Variants in ARAP2 observed in about 807,000 individuals in gnomAD.
The protein encoded by ARAP2 is arf-GAP with Rho-GAP domain, ANK repeat and PH domain-containing protein 2.
Under a neutral mutation model 194.5 loss-of-function variants are expected in ARAP2, and 148 were observed. The ratio of observed to expected loss-of-function variants is 0.76; its 90% CI spans 0.67 to 0.87. ARAP2 has a LOEUF of 0.87. Among genes scored for constraint, ARAP2 ranks in the 40% least tolerant of loss-of-function variants. ARAP2 has a pLI of 0.00. For synonymous variants in ARAP2, 695 were observed against 683.5 expected (o/e 1.02, Z -0.26); for missense variants, 2,128 against 1,989.7 (o/e 1.07, Z -1.32).
In ARAP2 at chr4:36,067,975, G is replaced by T; in HGVS notation, c.5047C>A (p.Leu1683Ile). 6.2e-7 allele frequency: 1 copy of T among 1,614,046 alleles called. No homozygotes were observed. The highest frequency in any genetic ancestry group is 1.3e-5 in the African/African-American group (1 of 75,028). The change falls in exon 33 of 33, where the codon CTT (leucine) becomes ATT (isoleucine). Residue 1683 changes from leucine to isoleucine, a missense_variant. Transcript: ENST00000303965. ...HKLPSRVIEE[L>I]NVVLQRSRTL... ...CTTGACCGTTGTAGAACCACATTAA[G>T]TTCTTCAATTACCCTTGATGGTAAC...
intron 8 of ARAP2, 140 bp from the exon 9 acceptor site, chr4:36,178,145 A>C (rs1273654433): frequency 2.9e-5 from 20 of 696,778 alleles, no homozygotes; most frequent in Middle Eastern, 3.8e-4. Flanking sequence ...TGCTACTGTA[A>C]ACAGAGCCAA....
intron 2 of ARAP2, among the ~76,000 whole-genome samples, chr4:36,227,932 A>G (rs1750677583): frequency 6.6e-6 from 1 of 152,180 alleles, no homozygotes; most frequent in South Asian, 2.1e-4. Context: ...CAGGATACCA[A>G]TGACTTACTA....
chr4:36,214,310 T>C, intron 3 of ARAP2, 112 bp downstream of exon 3: 3 of 706,428 alleles, frequency 4.2e-6, no homozygotes, highest in South Asian at 2.9e-5. Flanking sequence ...CAGACAGTTA[T>C]TTCCATTGTT....
intron 27 of ARAP2, among the ~76,000 whole-genome samples, chr4:36,102,958 G>A (rs1717405096): frequency 6.6e-6 from 1 of 151,634 alleles, no homozygotes; most frequent in African/African-American, 2.4e-5. Flanking sequence ...CAATTTAAGT[G>A]GCCTAGGTCT....
intron 2 of ARAP2, among the ~76,000 whole-genome samples, chr4:36,218,449 A>C (rs970108614): frequency 1.3e-5 from 2 of 152,060 alleles, no homozygotes; most frequent in Admixed American, 1.3e-4. Context: ...TTAAAAAAAA[A>C]ACAGAGATCC....
At position 36,218,447 on chromosome 4, in the gene ARAP2, AAAAC is replaced by A. The variant is rs540522276; in HGVS notation, c.906-3971_906-3968del. Reference sequence around the variant, plus strand: ...ACCCTAAAACTAAAATATTAAAAAAAAAACAGAGATCCAATTGCATTTAAGCCAA... The same window carrying A: ...ACCCTAAAACTAAAATATTAAAAAAAAGAGATCCAATTGCATTTAAGCCAA... On this transcript the variant is annotated intron_variant, in intron 2 of 32. Coordinates refer to ENST00000303965, the MANE Select transcript of ARAP2 (RefSeq NM_015230.4). 2.7e-4 allele frequency among the ~76,000 whole-genome samples: 41 copies of A among 152,270 alleles called. No individual in the cohort carries two copies. The South Asian group carries it at 8.5e-3, about 32-fold the overall frequency.
At chr4:36,104,374 T>C (rs2109448815) in intron 27 of ARAP2, among the ~76,000 whole-genome samples, 1 of 152,116 alleles carries the variant, frequency 6.6e-6, no homozygotes, top group Non-Finnish European at 1.5e-5. Flanking sequence ...TCATATTTGA[T>C]TTATTTTCGT....
rs1215724806 is a variant in ARAP2, at chr4:36,100,080, T to C, written c.4285+7485A>G. On this transcript the variant is annotated intron_variant, in intron 27 of 32. Coordinates refer to ENST00000303965, the MANE Select transcript of ARAP2 (RefSeq NM_015230.4). ...ATATAAGCTGGATATGGAGCGATCT[T>C]GACTATAATGCCTGTTTCTCCACTT... is the stretch of plus-strand genomic sequence containing the variant. 2.6e-5 allele frequency among the ~76,000 whole-genome samples: 4 copies of C among 152,062 alleles called. No homozygotes were observed. In the East Asian group the frequency reaches 7.8e-4, roughly 30 times the overall value.
intron 6 of ARAP2, among the ~76,000 whole-genome samples, chr4:36,196,773 G>A (rs1457703687): frequency 6.6e-6 from 1 of 151,882 alleles, no homozygotes. Flanking sequence ...ATCAAAATCT[G>A]TGGGTACATA....
At chr4:36,060,752 C>G (rs1724289541) in intron 1 of ARAP2, among the ~76,000 whole-genome samples, 1 of 152,182 alleles carries the variant, frequency 6.6e-6, no homozygotes, top group African/African-American at 2.4e-5. Context: ...TGCAGACACT[C>G]TCCTTGTTTC....
chr4:36,091,436 T>C (rs1713627706), intron 28 of ARAP2, among the ~76,000 whole-genome samples: 1 of 152,182 alleles, frequency 6.6e-6, no homozygotes, highest in Non-Finnish European at 1.5e-5. Flanking sequence ...TTAATACATA[T>C]GAAATTAAAA....
chr4:36,178,555 T>C (rs1738499222), intron 8 of ARAP2, among the ~76,000 whole-genome samples: 1 of 152,158 alleles, frequency 6.6e-6, no homozygotes, highest in African/African-American at 2.4e-5. Flanking sequence ...GCATTTCACC[T>C]GGCAAATTAA....
At chr4:36,231,605 C>T (rs998927731) in intron 1 of ARAP2, among the ~76,000 whole-genome samples, 1 of 152,128 alleles carries the variant, frequency 6.6e-6, no homozygotes, top group African/African-American at 2.4e-5. Context: ...CATTTTCCTT[C>T]TGAAGTAGAA....
intron 10 of ARAP2, chr4:36,005,953 T>C (rs1259105594): frequency 6.6e-6 from 1 of 152,252 alleles, no homozygotes; most frequent in Admixed American, 6.5e-5. Flanking sequence ...AACCATTTGA[T>C]GCAACTAGCT....
chr4:36,039,136 G>A (rs988161617), intron 5 of ARAP2, among the ~76,000 whole-genome samples: 3 of 152,144 alleles, frequency 2.0e-5, no homozygotes, highest in Non-Finnish European at 4.4e-5. Flanking sequence ...AACCATTCAT[G>A]GGGAATTCAC....
rs185325520 is a variant in ARAP2 at position 36,082,353 on chromosome 4, G to A, written c.4509-67C>T. 4 of 1,474,358 alleles carry A rather than the reference G, an allele frequency of 2.7e-6. No homozygotes were observed. The East Asian group carries it at 7.2e-5, about 26-fold the overall frequency. The allele number at this position is 1,474,358 out of a possible 1,614,324, so 91.3% of individuals were successfully genotyped here. A position where few individuals can be genotyped will look rare whatever the true frequency, so the allele number is the denominator to read the frequency against. ...ATACATTTTACAAGACAGAAAACAG[G>A]ATTAGATGTTAAGGAGATGAGATTT... On this transcript the variant is annotated intron_variant, in intron 29 of 32. Transcript: ENST00000303965.
chr4:36,177,299 T>C (rs1377134496), intron 9 of ARAP2, among the ~76,000 whole-genome samples: 2 of 152,166 alleles, frequency 1.3e-5, no homozygotes, highest in African/African-American at 4.8e-5. Context: ...TATGTATGTA[T>C]GTGCACTTGA....
chr4:36,073,343 T>C (rs993222826), intron 32 of ARAP2, among the ~76,000 whole-genome samples: 2 of 152,152 alleles, frequency 1.3e-5, no homozygotes, highest in Non-Finnish European at 2.9e-5. Context: ...TCCAGACATA[T>C]TCTGCTATGG....
chr4:36,094,094 G>C (rs766601936), intron 27 of ARAP2, among the ~76,000 whole-genome samples: 9 of 152,190 alleles, frequency 5.9e-5, no homozygotes, highest in Middle Eastern at 3.4e-3. Flanking sequence ...CGTTATTTTT[G>C]TAGCTCAGAG....
Sources: allele counts gnomAD v4.1 joint callset (sites outside exome capture counted in the v4.1 genomes callset), GRCh38; gene constraint gnomAD v4.1.1; transcripts MANE v1.5; gene names NCBI Gene and HGNC (gene_info 2026-07-23, HGNC 2026-07-21).